The following PDGFRA variants were observed in gnomAD, a reference collection of about 807,000 sequenced individuals.
PDGFRA encodes platelet-derived growth factor receptor alpha.
A neutral mutation model predicts 121.5 loss-of-function variants in PDGFRA; 25 were observed. That is an observed-to-expected ratio of 0.21 (90% CI 0.15 to 0.29). The LOEUF is 0.29. Among genes scored for constraint, PDGFRA ranks in the 10% least tolerant of loss-of-function variants. PDGFRA has a pLI of 1.00. For missense variants in PDGFRA, 1,008 were observed against 1,345.1 expected (o/e 0.75, Z 3.92); for synonymous variants, 463 against 494.8 (o/e 0.94, Z 0.85).
intron 8 of PDGFRA, among the ~76,000 whole-genome samples, chr4:54,271,737 CCTCA>C (rs765028511): frequency 2.0e-5 from 3 of 148,356 alleles, no homozygotes; most frequent in Admixed American, 6.7e-5. Context: ...TTCCTTCCTT[CCTCA>C]CTCACTCTTT....
chr4:54,236,046 G>A (rs752376078), intron 1 of PDGFRA, among the ~76,000 whole-genome samples: 8 of 152,312 alleles, frequency 5.3e-5, no homozygotes, highest in Non-Finnish European at 8.8e-5. Flanking sequence ...TCAACAGGGC[G>A]GGGGGTCTCT....
chr4:54,271,633 T>C (rs531485471), intron 8 of PDGFRA, among the ~76,000 whole-genome samples: 12 of 147,602 alleles, frequency 8.1e-5, no homozygotes, highest in African/African-American at 2.7e-4. Flanking sequence ...CCTTCCCTCT[T>C]CCCTTTTTCC....
At chr4:54,246,091 G>A (rs1417646692) in intron 1 of PDGFRA, among the ~76,000 whole-genome samples, 2 of 152,110 alleles carry the variant, frequency 1.3e-5, no homozygotes, top group Admixed American at 6.6e-5. Flanking sequence ...CCTACAAAGA[G>A]ACTTAGACTC....
chr4:54,288,594 T>G (rs1414355902), intron 19 of PDGFRA, among the ~76,000 whole-genome samples: 1 of 152,188 alleles, frequency 6.6e-6, no homozygotes, highest in Non-Finnish European at 1.5e-5. Context: ...GTACTTGGAC[T>G]TGACCAACCT....
chr4:54,295,826 T>C lies in PDGFRA; in HGVS notation c.*554T>C, dbSNP rs1375801156. ...GTACTATAGCATTTTGCTATCTTTTTTAGTGTTAAAGAGATAAAGAATAAT... is the reference window on the plus strand; with the variant it reads ...GTACTATAGCATTTTGCTATCTTTTCTAGTGTTAAAGAGATAAAGAATAAT... On this transcript the variant is annotated 3_prime_UTR_variant, in exon 23 of 23. Transcript: ENST00000257290. The C allele has an allele frequency of 4.2e-6, 1 of 237,488 alleles. No individual in the cohort carries two copies. The highest frequency in any genetic ancestry group is 2.2e-5 in the African/African-American group (1 of 45,352). The allele number at this position is 237,488 out of a possible 1,614,324, so 14.7% of individuals were successfully genotyped here. A position where few individuals can be genotyped will look rare whatever the true frequency, so the allele number is the denominator to read the frequency against.
rs7695657 is a variant in PDGFRA at position 54,287,670 on chromosome 4, A to G, written c.2674+129A>G. Reference sequence around the variant, plus strand: ...GGTGTGAGGCCAGTATGCTGCAGCCACCTCAAACCACATGTTGTGCCTTAT... The same window carrying G: ...GGTGTGAGGCCAGTATGCTGCAGCCGCCTCAAACCACATGTTGTGCCTTAT... On this transcript the variant is annotated intron_variant, in intron 19 of 22. Coordinates refer to ENST00000257290, the MANE Select transcript of PDGFRA (RefSeq NM_006206.6). The G allele has an allele frequency of 0.99, 705,128 of 715,034 alleles. 348,207 individuals are homozygous for G. Among genetic ancestry groups the G allele is most frequent in the East Asian group, 1 (38,124 of 38,132 alleles). The allele number at this position is 715,034 out of a possible 1,614,324, so 44.3% of individuals were successfully genotyped here. A position where few individuals can be genotyped will look rare whatever the true frequency, so the allele number is the denominator to read the frequency against.
rs763718380 is a variant in PDGFRA, at chr4:54,263,816, G to A, written c.517G>A (p.Asp173Asn). The change falls in exon 4 of 23, where the codon GAC becomes AAC. Residue 173 changes from aspartate (D) to asparagine (N), a missense_variant. This residue lies in a region of PDGFRA where 575 missense variants were observed against 701.8 expected (regional missense o/e 0.82). Coordinates refer to ENST00000257290, the MANE Select transcript of PDGFRA (RefSeq NM_006206.6). ...TGAGGGGGTGGTACCTGCCTCCTAC[G>A]ACAGCAGACAGGGCTTTAATGGGAC... Reference protein sequence around the residue: ...NSEGVVPASYDSRQGFNGTFT... With the variant: ...NSEGVVPASYNSRQGFNGTFT... The A allele has an allele frequency of 1.9e-5, 30 of 1,613,844 alleles. No individual in the cohort carries two copies. Among genetic ancestry groups the A allele is most frequent in the Admixed American group, 1.0e-4 (6 of 59,962 alleles).
At chr4:54,250,145 G>C (rs1324998868) in intron 1 of PDGFRA, among the ~76,000 whole-genome samples, 1 of 152,146 alleles carries the variant, frequency 6.6e-6, no homozygotes, top group Non-Finnish European at 1.5e-5. Flanking sequence ...AAAAATAAGG[G>C]AGAGAAAAGT....
At chr4:54,274,419 T>C (rs1723591375) in intron 10 of PDGFRA, 112 bp from the exon 11 acceptor site, 4 of 805,586 alleles carry the variant, frequency 5.0e-6, no homozygotes, top group African/African-American at 3.3e-5. Context: ...GCCCTCACAC[T>C]TCCCCACCAG....
intron 1 of PDGFRA, among the ~76,000 whole-genome samples, chr4:54,233,362 G>A (rs1447192693): frequency 6.6e-6 from 1 of 152,250 alleles, no homozygotes; most frequent in Non-Finnish European, 1.5e-5. Context: ...GAGCCTCCCG[G>A]GCGAAGTCTG....
rs1419727467 is a variant in PDGFRA at position 54,267,731 on chromosome 4, C to G, written c.1111C>G (p.Gln371Glu). Residue 371 changes from glutamine (Q) to glutamate (E), a missense_variant, in exon 7 of 23, where the codon CAG (glutamine) becomes GAG (glutamate). By Grantham distance (29) the Gln-to-Glu change is conservative. Transcript: ENST00000257290. ...TEITTDVEKIQEIRYRSKLKL... is the reference protein window; with the variant it reads ...TEITTDVEKIEEIRYRSKLKL... ...GATCACCACTGATGTGGAAAAGATT[C>G]AGGAAATAAGGTAAAGAAACTCTCT... The G allele has an allele frequency of 6.2e-7, 1 of 1,613,546 alleles. No individual in the cohort carries two copies. Among genetic ancestry groups the G allele is most frequent in the East Asian group, 2.2e-5 (1 of 44,866 alleles).
At chr4:54,230,749 G>A (rs894900605) in intron 1 of PDGFRA, 4 of 152,544 alleles carry the variant, frequency 2.6e-5, no homozygotes, top group Admixed American at 6.5e-5. Context: ...GTCCTCTCTA[G>A]TTGGCCTTTT....
chr4:54,251,156 A>T (rs1316666587), intron 1 of PDGFRA, among the ~76,000 whole-genome samples: 1 of 152,152 alleles, frequency 6.6e-6, no homozygotes, highest in Non-Finnish European at 1.5e-5. Flanking sequence ...TCTCATAGAA[A>T]CTTAATATAT....
At chr4:54,267,185 C>A (rs1378500109) in intron 5 of PDGFRA, 104 bp from the exon 6 acceptor site, 4 of 1,099,390 alleles carry the variant, frequency 3.6e-6, no homozygotes, top group African/African-American at 1.5e-5. Flanking sequence ...AACTGCTGAA[C>A]CTCCATTGAC....
At chr4:54,280,717 T>A (rs1724031916) in intron 16 of PDGFRA, 1 of 356,480 alleles carries the variant, frequency 2.8e-6, no homozygotes, top group Non-Finnish European at 5.1e-6. Context: ...AATTTAATAG[T>A]TTTAAAGAAT....
intron 22 of PDGFRA, among the ~76,000 whole-genome samples, 161 bp from the exon 23 acceptor site, chr4:54,294,964 C>T (rs1686514020): frequency 6.6e-6 from 1 of 152,186 alleles, no homozygotes; most frequent in South Asian, 2.1e-4. Flanking sequence ...CTTGGTTTTC[C>T]ACGTGGCCTA....
chr4:54,261,002 T>G (rs992607357), intron 2 of PDGFRA, 93 bp from the exon 3 acceptor site: 4 of 1,130,790 alleles, frequency 3.5e-6, no homozygotes, highest in Admixed American at 3.8e-5. Flanking sequence ...ATGGTCATTG[T>G]TCATCTAAGC....
Position 54,278,387 on chromosome 4 carries a change from T to C in PDGFRA, c.2028T>C (p.Tyr676=), listed in dbSNP as rs748100497. 1.2e-6 allele frequency: 2 copies of C among 1,613,756 alleles called. No individual in the cohort carries two copies. The highest frequency in any genetic ancestry group is 2.7e-5 in the African/African-American group (2 of 74,882). ...GCCCCATTTACATCATCACAGAGTA[T>C]TGCTTCTATGGAGATTTGGTCAACT... ...KSGPIYIITE[Y]CFYGDLVNYL... is the part of the protein sequence containing the mutation. Residue 676 remains tyrosine, a synonymous_variant, in exon 15 of 23, where the codon TAT becomes TAC. Transcript: ENST00000257290.
intron 1 of PDGFRA, among the ~76,000 whole-genome samples, chr4:54,236,976 A>G (rs1430660305): frequency 6.6e-6 from 1 of 151,354 alleles, no homozygotes; most frequent in Non-Finnish European, 1.5e-5. Flanking sequence ...TCCATTGCCC[A>G]CTTTTTTTTT....
Sources: gnomAD v4.1 joint callset for allele counts (sites outside exome capture counted in the v4.1 genomes callset) on GRCh38, gnomAD v4.1.1 for gene constraint, gnomAD v4.1.1 regional missense constraint, MANE v1.5 for transcripts, NCBI Gene and HGNC (gene_info 2026-07-23, HGNC 2026-07-21) for gene names.